ARRB1: variants seen among roughly 807,000 people sequenced by gnomAD.
The protein encoded by ARRB1 is arrestin beta 1, also known as beta-arrestin-1.
In ARRB1, 21 loss-of-function variants were observed where a neutral mutation model predicts 56.8. The ratio of observed to expected loss-of-function variants is 0.37; its 90% CI spans 0.26 to 0.53. ARRB1 has a LOEUF of 0.53. Ranked by LOEUF, ARRB1 falls within the 20% of genes least tolerant of loss-of-function variation. The probability of loss-of-function intolerance (pLI) is 0.88; values close to 1 mark genes in which losing one functional copy is unlikely to be tolerated. For synonymous variants in ARRB1, 210 were observed against 218.6 expected, an observed-to-expected ratio of 0.96 and a Z score of 0.35; for missense variants, 424 against 553.7, an observed-to-expected ratio of 0.77 and a Z score of 2.35.
Position 75,276,824 on chromosome 11 carries a change from C to T in ARRB1, c.776+15G>A, listed in dbSNP as rs765869479. On this transcript the variant is annotated intron_variant, in intron 10 of 15. Coordinates refer to ENST00000420843, the MANE Select transcript of ARRB1 (RefSeq NM_004041.5). Reference sequence around the variant, plus strand: ...CCAATCCCATACGCCCAAGGCCAGACTTGTGCCCACTTACTCAGCCTCTTC... The same window carrying T: ...CCAATCCCATACGCCCAAGGCCAGATTTGTGCCCACTTACTCAGCCTCTTC... The T allele has an allele frequency of 3.7e-6, 6 of 1,613,750 alleles. No individual in the cohort carries two copies. In the East Asian group the frequency reaches 1.3e-4, roughly 36 times the overall value.
chr11:75,287,152 T>C (rs1946498472), intron 3 of ARRB1, among the ~76,000 whole-genome samples, 163 bp downstream of exon 3: 2 of 152,090 alleles, frequency 1.3e-5, no homozygotes, highest in Non-Finnish European at 2.9e-5. Context: ...AGTCCTCACT[T>C]GAGTGGGAAA....
chr11:75,330,885 T>C (rs957286576), intron 1 of ARRB1, among the ~76,000 whole-genome samples: 1 of 152,160 alleles, frequency 6.6e-6, no homozygotes, highest in East Asian at 1.9e-4. Flanking sequence ...GGCTGGACTT[T>C]AGAGAAAAAG....
At position 75,266,152 on chromosome 11, in the gene ARRB1, G is replaced by A. The variant is rs779771498; in HGVS notation, c.*11C>T. 2 of 1,610,916 alleles carry A rather than the reference G, an allele frequency of 1.2e-6. No individual in the cohort carries two copies. The highest frequency in any genetic ancestry group is 4.5e-5 in the East Asian group (2 of 44,872). ...TGGAGCCGGAGCCACGTGGAGGCAGGGCCGGCCCGTCTATCTGTTGTTGAG... is the reference window on the plus strand; with the variant it reads ...TGGAGCCGGAGCCACGTGGAGGCAGAGCCGGCCCGTCTATCTGTTGTTGAG... On this transcript the variant is annotated 3_prime_UTR_variant, in exon 16 of 16. Transcript: ENST00000420843.
At chr11:75,341,547 A>T (rs1193277359) in intron 1 of ARRB1, among the ~76,000 whole-genome samples, 1 of 152,178 alleles carries the variant, frequency 6.6e-6, no homozygotes. Flanking sequence ...TTTAAGACCC[A>T]AGCTGAAGGT....
intron 1 of ARRB1, among the ~76,000 whole-genome samples, chr11:75,295,155 G>A (rs1479454983): frequency 1.3e-5 from 2 of 149,616 alleles, no homozygotes; most frequent in Non-Finnish European, 3.0e-5. Flanking sequence ...CTAGGAGGTG[G>A]AGGTTGCAGT....
chr11:75,287,443 G>A, intron 2 of ARRB1, 68 bp from the exon 3 acceptor site: 4 of 1,503,476 alleles, frequency 2.7e-6, no homozygotes, highest in Non-Finnish European at 3.6e-6. Flanking sequence ...CTGTCTTGGA[G>A]GAAACCCTGC....
chr11:75,333,374 T>G (rs1947550031), intron 1 of ARRB1, among the ~76,000 whole-genome samples: 1 of 152,190 alleles, frequency 6.6e-6, no homozygotes, highest in Admixed American at 6.5e-5. Context: ...TTGGGCCCAG[T>G]GCAGCTTCTT....
At chr11:75,278,586 C>A in intron 8 of ARRB1, 23 bp downstream of exon 8, 12 of 1,613,698 alleles carry the variant, frequency 7.4e-6, no homozygotes, top group Non-Finnish European at 1.0e-5. Context: ...GCCCCCACCC[C>A]CTGCCAAGTC....
At chr11:75,343,641 T>C (rs1359056234) in intron 1 of ARRB1, among the ~76,000 whole-genome samples, 2 of 152,126 alleles carry the variant, frequency 1.3e-5, no homozygotes, top group Admixed American at 1.3e-4. Flanking sequence ...AGCTGGTAAG[T>C]GTCAGAGCTG....
rs1351513711 is a variant in ARRB1, at chr11:75,338,357, C to T, written c.20+13231G>A. ...AGTGGGGCTTGACCTGAGCCAGTGG[C>T]GGTAGAATGAGGAGAACAGTACTTT... On this transcript the variant is annotated intron_variant, in intron 1 of 15. Transcript: ENST00000420843. Among the ~76,000 whole-genome samples, 4 of 152,080 alleles carry T rather than the reference C, an allele frequency of 2.6e-5. No individual in the cohort carries two copies. In the South Asian group the frequency reaches 8.3e-4, roughly 32 times the overall value.
intron 9 of ARRB1, 71 bp from the exon 10 acceptor site, chr11:75,276,982 C>CTCCCT (rs2140414063): frequency 1.3e-6 from 2 of 1,521,890 alleles, no homozygotes; most frequent in Non-Finnish European, 9.1e-7. Context: ...CAGGCGTCCC[C>CTCCCT]GGGTTGGGGA....
In ARRB1 at chr11:75,261,865, T is replaced by A. The variant is rs1384583772; in HGVS notation, c.*4298A>T. ...TTTTGAGTTTAAAAAATTATAGATA[T>A]CAGAACAGGCATAGGCCTATGTCCA... On this transcript the variant is annotated 3_prime_UTR_variant, in exon 16 of 16. Transcript: ENST00000420843. The A allele has an allele frequency of 1.3e-5, 2 of 152,118 alleles. No homozygotes were observed. The highest frequency in any genetic ancestry group is 2.9e-5 in the Non-Finnish European group (2 of 68,034). The allele number at this position is 152,118 out of a possible 1,614,324, so 9.4% of individuals were successfully genotyped here.
In ARRB1 at chr11:75,267,607, A is replaced by G. The variant is rs371682515; in HGVS notation, c.1145+45T>C. 153 of 842,096 alleles carry G rather than the reference A, an allele frequency of 1.8e-4. 2 individuals are homozygous for G. The highest frequency in any genetic ancestry group is 1.6e-3 in the Middle Eastern group (4 of 2,560). 52.2% of individuals were successfully genotyped at this position (842,096 alleles called of 1,614,324 possible). Reference sequence around the variant, plus strand: ...GCAAATGACCCCCTCCACCCCGCCCACCCGCGGCCCACCCCCGGATGTCTG... The same window carrying G: ...GCAAATGACCCCCTCCACCCCGCCCGCCCGCGGCCCACCCCCGGATGTCTG... On this transcript the variant is annotated intron_variant, in intron 15 of 15. Coordinates refer to ENST00000420843, the MANE Select transcript of ARRB1 (RefSeq NM_004041.5).
intron 10 of ARRB1, among the ~76,000 whole-genome samples, chr11:75,275,116 A>ATTTTTTATTTTATTTTATTTT (rs1257066994): frequency 3.7e-5 from 2 of 53,632 alleles, no homozygotes; most frequent in Admixed American, 4.2e-4. Context: ...AAACAAATTT[A>ATTTTTTATTTTATTTTATTTT]ATTTAAATTT....
intron 1 of ARRB1, among the ~76,000 whole-genome samples, chr11:75,321,765 A>G (rs1391596103): frequency 2.0e-5 from 3 of 152,206 alleles, no homozygotes; most frequent in Non-Finnish European, 4.4e-5. Flanking sequence ...AGTAATACAC[A>G]TTAGATCTTC....
intron 2 of ARRB1, among the ~76,000 whole-genome samples, chr11:75,289,553 T>C (rs1238955247): frequency 6.6e-6 from 1 of 152,162 alleles, no homozygotes; most frequent in African/African-American, 2.4e-5. Flanking sequence ...CAGTAATGTC[T>C]ACCTGCTAAA....
intron 14 of ARRB1, among the ~76,000 whole-genome samples, chr11:75,268,058 T>G (rs1945973950): frequency 6.6e-6 from 1 of 152,208 alleles, no homozygotes; most frequent in African/African-American, 2.4e-5. Context: ...TCCTTCACAT[T>G]TTAACATCTC....
At chr11:75,329,606 CT>C (rs1461510236) in intron 1 of ARRB1, among the ~76,000 whole-genome samples, 1 of 152,160 alleles carries the variant, frequency 6.6e-6, no homozygotes, top group African/African-American at 2.4e-5. Context: ...CCTTCCTGGC[CT>C]TTCACGAAAC....
At chr11:75,287,416 C>A in intron 2 of ARRB1, 41 bp from the exon 3 acceptor site, 1 of 1,547,112 alleles carries the variant, frequency 6.5e-7, no homozygotes, top group East Asian at 2.4e-5. Flanking sequence ...AGCTGCAGGC[C>A]CAGAGGACAC....
Sources: allele counts gnomAD v4.1 joint callset (sites outside exome capture counted in the v4.1 genomes callset), GRCh38; gene constraint gnomAD v4.1.1; transcripts MANE v1.5; gene names NCBI Gene and HGNC (gene_info 2026-07-23, HGNC 2026-07-21).